The following ADARB2 variants were observed in gnomAD, a reference collection of about 807,000 sequenced individuals.
The protein encoded by ADARB2 is adenosine deaminase RNA specific B2 (inactive).
A neutral mutation model predicts 62.2 loss-of-function variants in ADARB2; 25 were observed. The observed-to-expected ratio is 0.40, with a 90% CI of 0.29 to 0.56. The LOEUF is 0.56. Among genes scored for constraint, ADARB2 ranks in the 20% least tolerant of loss-of-function variants. The pLI, the probability that ADARB2 is intolerant of heterozygous loss-of-function variation, is 0.43. For synonymous variants in ADARB2, 572 were observed against 500.8 expected (o/e 1.14, Z -1.90); for missense variants, 1,071 against 1,077.4 (o/e 0.99, Z 0.08).
chr10:1,568,796 C>CTA (rs1444911587), intron 1 of ADARB2, among the ~76,000 whole-genome samples: 9 of 122,176 alleles, frequency 7.4e-5, no homozygotes, highest in Admixed American at 5.5e-4. Flanking sequence ...CTATATGTCT[C>CTA]TATCTCTATC....
intron 1 of ADARB2, among the ~76,000 whole-genome samples, chr10:1,574,571 G>A (rs1832985175): frequency 6.6e-6 from 1 of 151,992 alleles, no homozygotes; most frequent in Non-Finnish European, 1.5e-5. Flanking sequence ...GTGTCGGCAG[G>A]GCTGGTTCCT....
intron 4 of ADARB2, among the ~76,000 whole-genome samples, chr10:1,266,327 G>T (rs1831200304): frequency 6.6e-6 from 1 of 152,234 alleles, no homozygotes; most frequent in Admixed American, 6.5e-5. Flanking sequence ...AGGGCTCACT[G>T]GATTATTTTA....
chr10:1,511,679 G>T (rs1405971782), intron 1 of ADARB2, among the ~76,000 whole-genome samples: 1 of 151,658 alleles, frequency 6.6e-6, no homozygotes, highest in Non-Finnish European at 1.5e-5. Context: ...GTCTACACTG[G>T]ACACCAAGAC....
intron 2 of ADARB2, among the ~76,000 whole-genome samples, chr10:1,370,219 A>G (rs1179829037): frequency 6.6e-6 from 1 of 152,192 alleles, no homozygotes; most frequent in Non-Finnish European, 1.5e-5. Context: ...TCATCTCGAC[A>G]GATGTATAAA....
At chr10:1,607,207 A>G (rs1276854145) in intron 1 of ADARB2, among the ~76,000 whole-genome samples, 1 of 152,198 alleles carries the variant, frequency 6.6e-6, no homozygotes, top group Non-Finnish European at 1.5e-5. Context: ...TCTGGTGGGC[A>G]GAAGTTGGGC....
At chr10:1,413,586 T>G (rs1462497830) in intron 1 of ADARB2, among the ~76,000 whole-genome samples, 1 of 152,112 alleles carries the variant, frequency 6.6e-6, no homozygotes, top group East Asian at 1.9e-4. Flanking sequence ...CGGCCCTGTT[T>G]TGCAGAGAAG....
intron 1 of ADARB2, among the ~76,000 whole-genome samples, chr10:1,413,249 G>A (rs2255513): frequency 0.24 from 36,922 of 152,040 alleles, 4,938 homozygotes; most frequent in African/African-American, 0.36. Flanking sequence ...ACATGAGTGG[G>A]AGATGGTGCA....
At chr10:1,521,647 G>T (rs1031999688) in intron 1 of ADARB2, among the ~76,000 whole-genome samples, 1 of 152,146 alleles carries the variant, frequency 6.6e-6, no homozygotes, top group Admixed American at 6.6e-5. Flanking sequence ...ATAAAACTTC[G>T]ATCTCCACCA....
rs1500966 is a variant in ADARB2 at position 1,178,519 on chromosome 10, C to T, written c.*4674G>A. On this transcript the variant is annotated 3_prime_UTR_variant, in exon 10 of 10. Transcript: ENST00000381312. Reference sequence around the variant, plus strand: ...AGCAGCCCAGTGTTTCCAGAAACAGCCCTGCTCCTGCAGTGGCGAGGAACC... The same window carrying T: ...AGCAGCCCAGTGTTTCCAGAAACAGTCCTGCTCCTGCAGTGGCGAGGAACC... 112,735 of 152,222 alleles carry T rather than the reference C, an allele frequency of 0.74. 41,819 individuals are homozygous for T. Among genetic ancestry groups the T allele is most frequent in the South Asian group, 0.77 (3,738 of 4,828 alleles). The allele number at this position is 152,222 out of a possible 1,614,324, so 9.4% of individuals were successfully genotyped here.
intron 1 of ADARB2, among the ~76,000 whole-genome samples, chr10:1,402,475 A>G (rs1366531639): frequency 6.6e-6 from 1 of 152,176 alleles, no homozygotes; most frequent in Non-Finnish European, 1.5e-5. Context: ...GAAGCCACTT[A>G]GCTCACACAG....
At chr10:1,343,056 GA>G in intron 3 of ADARB2, among the ~76,000 whole-genome samples, 1 of 152,290 alleles carries the variant, frequency 6.6e-6, no homozygotes, top group East Asian at 1.9e-4. Context: ...AGAAAGAATG[GA>G]GCATAAAAGA....
At chr10:1,515,077 A>G (rs1180438376) in intron 1 of ADARB2, among the ~76,000 whole-genome samples, 2 of 152,246 alleles carry the variant, frequency 1.3e-5, no homozygotes, top group Non-Finnish European at 2.9e-5. Context: ...TTCAATTTAA[A>G]TTTTAGCTGG....
rs1836607300 is a variant in ADARB2, at chr10:1,177,717, A to T, written c.*5476T>A. On this transcript the variant is annotated 3_prime_UTR_variant, in exon 10 of 10. Coordinates refer to ENST00000381312, the MANE Select transcript of ADARB2 (RefSeq NM_018702.4). The stretch of plus-strand genomic sequence containing the variant: ...ATGCTCATCCCTCCAACCTTGGCTT[A>T]GGATGATGAGTTGGGAAATAAAGTG... 1 of 152,252 alleles carries T rather than the reference A, an allele frequency of 6.6e-6. No homozygotes were observed. Among genetic ancestry groups the T allele is most frequent in the Non-Finnish European group, 1.5e-5 (1 of 68,050 alleles). The allele number at this position is 152,252 out of a possible 1,614,324, so 9.4% of individuals were successfully genotyped here. A position where few individuals can be genotyped will look rare whatever the true frequency, so the allele number is the denominator to read the frequency against.
At chr10:1,500,362 T>C (rs541373870) in intron 1 of ADARB2, among the ~76,000 whole-genome samples, 13 of 152,354 alleles carry the variant, frequency 8.5e-5, no homozygotes, top group African/African-American at 3.1e-4. Context: ...TTTCTCTGTC[T>C]TTGGAAAGTT....
At chr10:1,488,926 C>A (rs1354205777) in intron 1 of ADARB2, among the ~76,000 whole-genome samples, 1 of 152,208 alleles carries the variant, frequency 6.6e-6, no homozygotes, top group Non-Finnish European at 1.5e-5. Context: ...ATCAGGGAGA[C>A]CTTATACAGT....
At chr10:1,441,435 T>C (rs1260075469) in intron 1 of ADARB2, among the ~76,000 whole-genome samples, 1 of 152,230 alleles carries the variant, frequency 6.6e-6, no homozygotes, top group Non-Finnish European at 1.5e-5. Flanking sequence ...GAAAGAAGAT[T>C]TGATGCAGAA....
At chr10:1,711,481 GTTC>G (rs762471937) in intron 1 of ADARB2, among the ~76,000 whole-genome samples, 2 of 152,190 alleles carry the variant, frequency 1.3e-5, no homozygotes, top group Non-Finnish European at 2.9e-5. Context: ...CACTGATTTT[GTTC>G]TTCTGCTCTT....
At chr10:1,546,736 A>C (rs1158717401) in intron 1 of ADARB2, among the ~76,000 whole-genome samples, 1 of 152,222 alleles carries the variant, frequency 6.6e-6, no homozygotes, top group Admixed American at 6.5e-5. Flanking sequence ...AAGGGTGAAA[A>C]CAACGCTGGG....
At chr10:1,210,273 T>A (rs1012684428) in intron 7 of ADARB2, among the ~76,000 whole-genome samples, 9 of 152,252 alleles carry the variant, frequency 5.9e-5, no homozygotes, top group Admixed American at 3.3e-4. Context: ...TTTATTCTCA[T>A]TTTAATACAT....
Sources: gnomAD v4.1 joint callset for allele counts (sites outside exome capture counted in the v4.1 genomes callset) on GRCh38, gnomAD v4.1.1 for gene constraint, MANE v1.5 for transcripts, NCBI Gene and HGNC (gene_info 2026-07-23, HGNC 2026-07-21) for gene names.